The following EXOC4 variants were observed in gnomAD, a reference collection of about 807,000 sequenced individuals.
EXOC4 encodes the protein exocyst complex component 4.
EXOC4 carries 71 observed loss-of-function variants against 107.2 expected under a neutral mutation model. That is an observed-to-expected ratio of 0.66 (90% CI 0.55 to 0.81). The LOEUF (loss-of-function observed/expected upper bound fraction) is 0.81, where lower values mean the gene tolerates loss of function less well. EXOC4 is among the 30% of genes least tolerant of loss of function. The probability of loss-of-function intolerance (pLI) is 0.00; values close to 1 mark genes in which losing one functional copy is unlikely to be tolerated. For synonymous variants in EXOC4, 456 were observed against 441.2 expected, an observed-to-expected ratio of 1.03 and a Z score of -0.42; for missense variants, 1,108 against 1,189.6, an observed-to-expected ratio of 0.93 and a Z score of 1.01.
chr7:133,613,744 A>C (rs1290381601), intron 9 of EXOC4, among the ~76,000 whole-genome samples: 1 of 152,168 alleles, frequency 6.6e-6, no homozygotes, highest in Non-Finnish European at 1.5e-5. Context: ...GCTGTCACTG[A>C]AGCTGCATCA....
At chr7:134,084,723 A>T in the EXOC4 span, among the ~76,000 whole-genome samples, 1 of 151,414 alleles carries the variant, frequency 6.6e-6, no homozygotes, top group African/African-American at 2.4e-5. Flanking sequence ...AAAAAAAAAA[A>T]AAAAAAATTC....
At chr7:133,907,740 G>A (rs942312922) in intron 12 of EXOC4, among the ~76,000 whole-genome samples, 1 of 152,090 alleles carries the variant, frequency 6.6e-6, no homozygotes, top group Non-Finnish European at 1.5e-5. Context: ...TCAGGAGGCT[G>A]AGGCAGGAGA....
At chr7:133,926,066 A>G (rs1393113662) in intron 13 of EXOC4, among the ~76,000 whole-genome samples, 2 of 150,746 alleles carry the variant, frequency 1.3e-5, no homozygotes, top group Non-Finnish European at 3.0e-5. Context: ...AAAAAAGAAG[A>G]AAAGAACTAA....
chr7:133,813,183 G>A (rs550414118), intron 10 of EXOC4, among the ~76,000 whole-genome samples: 2 of 152,254 alleles, frequency 1.3e-5, no homozygotes, highest in South Asian at 2.1e-4. Context: ...AAAGCGATGG[G>A]GGCCCCTTTG....
intron 10 of EXOC4, among the ~76,000 whole-genome samples, chr7:133,793,393 C>T (rs912152328): frequency 2.0e-5 from 3 of 152,106 alleles, no homozygotes; most frequent in African/African-American, 4.8e-5. Context: ...CTCATGGCGT[C>T]GGGCAGTTCA....
At position 133,672,330 on chromosome 7, in the gene EXOC4, G is replaced by T. The variant is rs542725587; in HGVS notation, c.1514+42189G>T. Among the ~76,000 whole-genome samples, 33 of 151,062 alleles carry T rather than the reference G, an allele frequency of 2.2e-4. No individual in the cohort carries two copies. In the East Asian group the frequency reaches 6.2e-3, roughly 29 times the overall value. The stretch of plus-strand genomic sequence containing the variant: ...GGCGTGAACCCGGGAGGTGAAGCTT[G>T]CAGTGAGCCGAGATCGCACCACTGC... On this transcript the variant is annotated intron_variant, in intron 10 of 17. Coordinates refer to ENST00000253861, the MANE Select transcript of EXOC4 (RefSeq NM_021807.4).
chr7:133,489,643 C>A (rs1003083500), intron 9 of EXOC4, among the ~76,000 whole-genome samples: 15 of 152,174 alleles, frequency 9.9e-5, no homozygotes, highest in African/African-American at 3.4e-4. Flanking sequence ...AGCGATTATA[C>A]TTTTGTTTCC....
chr7:133,401,430 A>T (rs1231369049), intron 7 of EXOC4, among the ~76,000 whole-genome samples: 1 of 151,918 alleles, frequency 6.6e-6, no homozygotes, highest in Non-Finnish European at 1.5e-5. Context: ...GGGAGGCTTG[A>T]GATAGGAGGA....
intron 10 of EXOC4, among the ~76,000 whole-genome samples, chr7:133,777,386 C>T (rs576012230): frequency 6.1e-4 from 93 of 151,940 alleles, no homozygotes; most frequent in African/African-American, 2.0e-3. Flanking sequence ...TATCAGGAAA[C>T]GTTGTTACTG....
At chr7:133,975,588 G>A (rs73726564) in intron 14 of EXOC4, among the ~76,000 whole-genome samples, 2,192 of 152,134 alleles carry the variant, frequency 0.014, 57 homozygotes, top group African/African-American at 0.049. Context: ...GAAAATGTAG[G>A]TATGATCTCG....
chr7:133,548,881 T>C (rs1800534594), intron 9 of EXOC4, among the ~76,000 whole-genome samples: 1 of 152,256 alleles, frequency 6.6e-6, no homozygotes, highest in Non-Finnish European at 1.5e-5. Context: ...GTAGCACTTG[T>C]AATTTCCTTC....
At chr7:133,301,011 C>T (rs1407542681) in intron 3 of EXOC4, among the ~76,000 whole-genome samples, 1 of 152,156 alleles carries the variant, frequency 6.6e-6, no homozygotes, top group Non-Finnish European at 1.5e-5. Flanking sequence ...ATCTGGGATT[C>T]TTGGCTCCTG....
rs545463096 is a variant in EXOC4, at chr7:133,548,223, CTT to C, written c.1417+68087_1417+68088del. 1.4e-3 allele frequency among the ~76,000 whole-genome samples: 220 copies of C among 152,186 alleles called. 1 individual carries two copies. Among genetic ancestry groups the C allele is most frequent in the Admixed American group, 3.2e-3 (49 of 15,288 alleles). On this transcript the variant is annotated intron_variant, in intron 9 of 17. Transcript: ENST00000253861. ...CTTTCTTTGCTTGACTATAAGGACT[CTT>C]TGTCCGTTCAAATTTTGTCATGAGA...
chr7:133,292,532 A>G (rs1426835803), intron 3 of EXOC4, among the ~76,000 whole-genome samples: 1 of 152,030 alleles, frequency 6.6e-6, no homozygotes, highest in Non-Finnish European at 1.5e-5. Flanking sequence ...TAAGGATGTG[A>G]TGTATTTTTC....
chr7:133,386,236 G>T (rs35826707), intron 7 of EXOC4, among the ~76,000 whole-genome samples: 2 of 151,890 alleles, frequency 1.3e-5, no homozygotes, highest in Non-Finnish European at 2.9e-5. Flanking sequence ...TTTTGTTTTT[G>T]GTAGTGGCTT....
At chr7:133,741,203 C>T (rs1795556403) in intron 10 of EXOC4, among the ~76,000 whole-genome samples, 1 of 152,086 alleles carries the variant, frequency 6.6e-6, no homozygotes, top group South Asian at 2.1e-4. Context: ...AAGTAGCTCC[C>T]CAGCAGGTAT....
At chr7:133,787,565 A>T (rs1241531307) in intron 10 of EXOC4, among the ~76,000 whole-genome samples, 2 of 151,708 alleles carry the variant, frequency 1.3e-5, no homozygotes. Flanking sequence ...GGTGGCTTAA[A>T]CAACAGACAG....
intron 7 of EXOC4, among the ~76,000 whole-genome samples, chr7:133,433,581 T>G (rs1250826193): frequency 6.6e-6 from 1 of 152,182 alleles, no homozygotes; most frequent in Non-Finnish European, 1.5e-5. Context: ...ATATACTTGT[T>G]GTATGCTGCT....
At chr7:133,898,607 CG>C in intron 12 of EXOC4, among the ~76,000 whole-genome samples, 1 of 151,664 alleles carries the variant, frequency 6.6e-6, no homozygotes, top group East Asian at 1.9e-4. Flanking sequence ...ATTAGCCGGG[CG>C]TGGTGGCAGC....
Sources: allele counts gnomAD v4.1 joint callset (sites outside exome capture counted in the v4.1 genomes callset), GRCh38; gene constraint gnomAD v4.1.1; transcripts MANE v1.5; gene names NCBI Gene and HGNC (gene_info 2026-07-23, HGNC 2026-07-21).